ZNF92: variants seen among roughly 807,000 people sequenced by gnomAD.
ZNF92 encodes the protein epididymis luminal protein 203.
Under a neutral mutation model 12.4 loss-of-function variants are expected in ZNF92, and 11 were observed. That is an observed-to-expected ratio of 0.89 (90% CI 0.56 to 1.47). ZNF92 has a LOEUF of 1.47. ZNF92 is among the 40% of genes most tolerant of loss of function. ZNF92 has a pLI of 0.00. For missense variants in ZNF92, 622 were observed against 681.0 expected, an observed-to-expected ratio of 0.91 and a Z score of 0.96; for synonymous variants, 206 against 228.6, an observed-to-expected ratio of 0.90 and a Z score of 0.89.
In ZNF92 at chr7:65,398,656, C is replaced by A. The variant is rs757623631; in HGVS notation, c.542C>A (p.Ser181Ter). Reference sequence around the variant, plus strand: ...TTCAAATGTAAAAACCGTGGCAAATCATTTTGCATGCTTTCACAATTAACT... The same window carrying A: ...TTCAAATGTAAAAACCGTGGCAAATAATTTTGCATGCTTTCACAATTAACT... ...KPFKCKNRGK[S>*]FCMLSQLTQH... Residue 181 changes from serine (S) to a stop codon, truncating the protein, a stop_gained, in exon 4 of 4, where the codon TCA becomes TAA. Coordinates refer to ENST00000328747, the MANE Select transcript of ZNF92 (RefSeq NM_152626.4). LOFTEE classifies it low-confidence loss of function (END_TRUNC). The A allele has an allele frequency of 6.8e-6, 11 of 1,611,992 alleles. No individual in the cohort carries two copies. The highest frequency in any genetic ancestry group is 7.6e-6 in the Non-Finnish European group (9 of 1,179,274).
At chr7:65,383,537 G>A (rs559547853) in intron 1 of ZNF92, among the ~76,000 whole-genome samples, 5 of 152,022 alleles carry the variant, frequency 3.3e-5, no homozygotes, top group African/African-American at 9.7e-5. Flanking sequence ...TTCAGATCTT[G>A]TTCAGTGACC....
At chr7:65,382,844 GA>G (rs1475164004) in intron 1 of ZNF92, among the ~76,000 whole-genome samples, 1 of 152,084 alleles carries the variant, frequency 6.6e-6, no homozygotes, top group Non-Finnish European at 1.5e-5. Flanking sequence ...TTTTATCTGA[GA>G]AATGCAAATC....
rs1185231021 is a variant in ZNF92, at chr7:65,390,994, C to T, written c.226+2093C>T. Among the ~76,000 whole-genome samples the T allele has an allele frequency of 2.6e-5, 4 of 152,088 alleles. No individual in the cohort carries two copies. The South Asian group carries it at 8.3e-4, about 32-fold the overall frequency. On this transcript the variant is annotated intron_variant, in intron 3 of 3. Transcript: ENST00000328747. The stretch of plus-strand genomic sequence containing the variant: ...CAAGTTTGGTGGGCCATTTTCTGGT[C>T]TGTAGCCAAGAACAGGAGTCCTTTA...
chr7:65,396,705 A>G (rs934876591), intron 3 of ZNF92, among the ~76,000 whole-genome samples: 9 of 151,986 alleles, frequency 5.9e-5, no homozygotes, highest in East Asian at 1.9e-4. Flanking sequence ...TGTATATGCA[A>G]TGTCTCACTA....
chr7:65,398,653 A>G lies in ZNF92; in HGVS notation c.539A>G (p.Lys180Arg), dbSNP rs1454594908. 4 of 1,612,224 alleles carry G rather than the reference A, an allele frequency of 2.5e-6. No homozygotes were observed. Among genetic ancestry groups the G allele is most frequent in the East Asian group, 4.5e-5 (2 of 44,812 alleles). ...CCTTTCAAATGTAAAAACCGTGGCA[A>G]ATCATTTTGCATGCTTTCACAATTA... Reference protein sequence around the residue: ...KKPFKCKNRGKSFCMLSQLTQ... With the variant: ...KKPFKCKNRGRSFCMLSQLTQ... Residue 180 changes from lysine to arginine, a missense_variant, in exon 4 of 4, where the codon AAA becomes AGA. By Grantham distance (26) the Lys-to-Arg change is conservative (BLOSUM62 2). Coordinates refer to ENST00000328747, the MANE Select transcript of ZNF92 (RefSeq NM_152626.4).
chr7:65,396,013 C>T (rs1793839745), intron 3 of ZNF92, among the ~76,000 whole-genome samples: 1 of 152,026 alleles, frequency 6.6e-6, no homozygotes, highest in Non-Finnish European at 1.5e-5. Flanking sequence ...CTCCCAAACT[C>T]AGATGATCTT....
At chr7:65,393,923 A>G (rs1048352862) in intron 3 of ZNF92, among the ~76,000 whole-genome samples, 1 of 152,026 alleles carries the variant, frequency 6.6e-6, no homozygotes, top group Non-Finnish European at 1.5e-5. Context: ...TTCATTTCTC[A>G]TCAAGTTATT....
chr7:65,399,747 G>T lies in ZNF92; in HGVS notation c.1633G>T (p.Ala545Ser), dbSNP rs776282286. The T allele has an allele frequency of 1.2e-6, 2 of 1,613,400 alleles. No individual in the cohort carries two copies. Among genetic ancestry groups the T allele is most frequent in the African/African-American group, 2.7e-5 (2 of 74,848 alleles). ...KPYKYEECDK[A>S]FNKFSTLITH... ...CTACAAATATGAAGAATGTGACAAA[G>T]CCTTTAACAAGTTCTCAACCCTTAT... Residue 545 changes from alanine to serine, a missense_variant, in exon 4 of 4, where the codon GCC becomes TCC. Physicochemically the swap from Ala to Ser is moderately conservative, Grantham distance 99. Transcript: ENST00000328747.
chr7:65,398,727 G>C lies in ZNF92; in HGVS notation c.613G>C (p.Glu205Gln), dbSNP rs201718168. ...TAGAGAGTATTCTTACAAATGTGAA[G>C]AATGTGGTAAAGCCTTTAACTGGTC... is the stretch of plus-strand genomic sequence containing the variant. ...HTREYSYKCE[E>Q]CGKAFNWSST... is the part of the protein sequence containing the mutation. Residue 205 changes from glutamate (E) to glutamine (Q), a missense_variant, in exon 4 of 4, where the codon GAA (glutamate) becomes CAA (glutamine). Glu to Gln is a conservative substitution (Grantham distance 29). Coordinates refer to ENST00000328747, the MANE Select transcript of ZNF92 (RefSeq NM_152626.4). 3.7e-6 allele frequency: 6 copies of C among 1,612,248 alleles called. No individual in the cohort carries two copies. The highest frequency in any genetic ancestry group is 3.4e-6 in the Non-Finnish European group (4 of 1,179,480).
intron 1 of ZNF92, among the ~76,000 whole-genome samples, chr7:65,382,271 T>G (rs1793441506): frequency 6.6e-6 from 1 of 152,062 alleles, no homozygotes; most frequent in African/African-American, 2.4e-5. Flanking sequence ...GGTGTAATTG[T>G]GTAATAAAAC....
At chr7:65,384,630 A>G (rs1793513421) in intron 1 of ZNF92, among the ~76,000 whole-genome samples, 1 of 152,138 alleles carries the variant, frequency 6.6e-6, no homozygotes, top group Non-Finnish European at 1.5e-5. Context: ...TTGCTCCACA[A>G]GCCACAAACA....
chr7:65,391,739 TATCTC>T (rs1380955234), intron 3 of ZNF92, among the ~76,000 whole-genome samples: 2 of 151,964 alleles, frequency 1.3e-5, no homozygotes, highest in Non-Finnish European at 2.9e-5. Context: ...ACATAAAAAT[TATCTC>T]AATTTTTAAA....
rs1794002162 is a variant in ZNF92, at chr7:65,401,057, TAATAA to T, written c.*1186_*1190del. On this transcript the variant is annotated 3_prime_UTR_variant, in exon 4 of 4. Transcript: ENST00000328747. ...TCATTTTGTTGATTGTGCTTTTATG[TAATAA>T]AATGCAGTACTTTAAAACATTTAGA... The T allele has an allele frequency of 1.3e-5, 2 of 152,210 alleles. No individual in the cohort carries two copies. The highest frequency in any genetic ancestry group is 4.1e-4 in the South Asian group (2 of 4,832). The allele number at this position is 152,210 out of a possible 1,614,324, so 9.4% of individuals were successfully genotyped here.
At chr7:65,396,966 T>G (rs1386833298) in intron 3 of ZNF92, among the ~76,000 whole-genome samples, 2 of 152,110 alleles carry the variant, frequency 1.3e-5, no homozygotes. Context: ...CGTCAAAATT[T>G]GAAAGTTCTC....
At position 65,399,463 on chromosome 7, in the gene ZNF92, A is replaced by G. The variant is rs752397838; in HGVS notation, c.1349A>G (p.Asp450Gly). The change falls in exon 4 of 4, where the codon GAT becomes GGT. Residue 450 changes from aspartate to glycine, a missense_variant. Transcript: ENST00000328747. ...FTKHKRNHME[D>G]KPYKCEECGK... ...AAACATAAGAGAAATCATATGGAAGATAAACCCTACAAATGTGAAGAATGT... is the reference window on the plus strand; with the variant it reads ...AAACATAAGAGAAATCATATGGAAGGTAAACCCTACAAATGTGAAGAATGT... The G allele has an allele frequency of 3.7e-6, 6 of 1,613,552 alleles. No individual in the cohort carries two copies. The Admixed American group carries it at 1.0e-4, about 27-fold the overall frequency.
rs112514139 is a variant in ZNF92 at position 65,398,338 on chromosome 7, C to T, written c.227-3C>T. 1.3e-6 allele frequency: 2 copies of T among 1,512,882 alleles called. No homozygotes were observed. The highest frequency in any genetic ancestry group is 1.8e-6 in the Non-Finnish European group (2 of 1,133,308). The allele number at this position is 1,512,882 out of a possible 1,614,324, so 93.7% of individuals were successfully genotyped here. ...AGTAACTTGTTATTTTTATTTTTTTCAGTTATGTGTTCTCATTTTGCCCAA... is the reference window on the plus strand; with the variant it reads ...AGTAACTTGTTATTTTTATTTTTTTTAGTTATGTGTTCTCATTTTGCCCAA... On this transcript the variant is annotated splice_polypyrimidine_tract_variant and splice_region_variant and intron_variant, in intron 3 of 3. Coordinates refer to ENST00000328747, the MANE Select transcript of ZNF92 (RefSeq NM_152626.4).
chr7:65,375,613 C>G (rs958927462), intron 1 of ZNF92, among the ~76,000 whole-genome samples: 16 of 151,842 alleles, frequency 1.1e-4, no homozygotes, highest in Non-Finnish European at 2.2e-4. Context: ...AAAAAGTATT[C>G]CAAAAGATAC....
intron 3 of ZNF92, among the ~76,000 whole-genome samples, chr7:65,395,874 C>T (rs938578173): frequency 2.0e-5 from 3 of 152,026 alleles, no homozygotes; most frequent in Admixed American, 2.0e-4. Flanking sequence ...TGACTTAGTG[C>T]CAAAATGGAT....
chr7:65,394,194 G>GT (rs1184524458), intron 3 of ZNF92, among the ~76,000 whole-genome samples: 1 of 151,566 alleles, frequency 6.6e-6, no homozygotes, highest in Non-Finnish European at 1.5e-5. Context: ...AGATTTGTTA[G>GT]TTTTTTTTAT....
Sources: allele counts gnomAD v4.1 joint callset (sites outside exome capture counted in the v4.1 genomes callset), GRCh38; gene constraint gnomAD v4.1.1; transcripts MANE v1.5; gene names NCBI Gene and HGNC (gene_info 2026-07-23, HGNC 2026-07-21).